The following MALRD1 variants were observed in gnomAD, a reference collection of about 807,000 sequenced individuals.
The protein encoded by MALRD1 is MAM and LDL-receptor class A domain-containing protein 1.
A neutral mutation model predicts 242.1 loss-of-function variants in MALRD1; 247 were observed. The observed-to-expected ratio is 1.02, with a 90% CI of 0.92 to 1.13. The LOEUF is 1.13. Among genes scored for constraint, MALRD1 ranks in the 50% most tolerant of loss-of-function variants. MALRD1 has a pLI of 0.00. For synonymous variants in MALRD1, 995 were observed against 866.6 expected (o/e 1.15, Z -2.60); for missense variants, 2,989 against 2,533.1 (o/e 1.18, Z -3.86).
At chr10:19,530,403 A>T (rs1589203883) in intron 31 of MALRD1, among the ~76,000 whole-genome samples, 2 of 12,574 alleles carry the variant, frequency 1.6e-4, no homozygotes, top group East Asian at 2.3e-3. Flanking sequence ...TATAAATATT[A>T]TATATTTATA....
intron 31 of MALRD1, among the ~76,000 whole-genome samples, chr10:19,520,221 A>G (rs1454325187): frequency 6.6e-6 from 1 of 152,158 alleles, no homozygotes; most frequent in East Asian, 1.9e-4. Flanking sequence ...CTGTATTTGT[A>G]ACCACTGTCC....
chr10:19,727,849 A>G (rs1835106393), intron 38 of MALRD1, among the ~76,000 whole-genome samples: 1 of 152,118 alleles, frequency 6.6e-6, no homozygotes. Context: ...TAATGAAACA[A>G]ACATTTTATT....
chr10:19,616,176 T>C (rs1422655195), intron 36 of MALRD1, among the ~76,000 whole-genome samples: 1 of 152,038 alleles, frequency 6.6e-6, no homozygotes, highest in African/African-American at 2.4e-5. Context: ...ATTTTAATAA[T>C]ACTCACTATT....
chr10:19,355,505 C>G (rs1408607692), intron 26 of MALRD1, among the ~76,000 whole-genome samples: 1 of 142,660 alleles, frequency 7.0e-6, no homozygotes, highest in African/African-American at 2.7e-5. Flanking sequence ...AGAAAGACTC[C>G]AAGAAAAACA....
rs935061688 is a variant in MALRD1, at chr10:19,643,387, A to G, written c.6137+27464A>G. On this transcript the variant is annotated intron_variant, in intron 36 of 39. Transcript: ENST00000454679. ...CTTGAACCTGGGAGGCGGAGGTTTCAGTGAGCCGAGACTGTGCCAACGCAC... is the reference window on the plus strand; with the variant it reads ...CTTGAACCTGGGAGGCGGAGGTTTCGGTGAGCCGAGACTGTGCCAACGCAC... 2.0e-5 allele frequency among the ~76,000 whole-genome samples: 3 copies of G among 152,310 alleles called. No homozygotes were observed. In the East Asian group the frequency reaches 5.8e-4, roughly 29 times the overall value.
chr10:19,219,835 T>C (rs1291990550), intron 18 of MALRD1, among the ~76,000 whole-genome samples: 4 of 152,256 alleles, frequency 2.6e-5, no homozygotes, highest in Non-Finnish European at 2.9e-5. Flanking sequence ...GGATCCTACA[T>C]GCTAATATTA....
chr10:19,145,653 TAAAA>T (rs71507276), intron 10 of MALRD1, among the ~76,000 whole-genome samples: 2 of 134,566 alleles, frequency 1.5e-5, no homozygotes, highest in Non-Finnish European at 3.2e-5. Flanking sequence ...GACTCTGCCT[TAAAA>T]AAAAAAAAAA....
At chr10:19,233,504 AAAAC>A (rs776395929) in intron 18 of MALRD1, among the ~76,000 whole-genome samples, 6 of 152,200 alleles carry the variant, frequency 3.9e-5, no homozygotes, top group Non-Finnish European at 5.9e-5. Flanking sequence ...CTCCATGTCA[AAAAC>A]AAACAAACAA....
At chr10:19,295,107 C>T (rs1841633232) in intron 21 of MALRD1, among the ~76,000 whole-genome samples, 2 of 152,080 alleles carry the variant, frequency 1.3e-5, no homozygotes, top group South Asian at 4.1e-4. Context: ...CAATTTTAAT[C>T]AATCTTCGTT....
intron 32 of MALRD1, among the ~76,000 whole-genome samples, chr10:19,562,297 GTAGATAGATAGATAGATAGATAGA>G (rs78473002): frequency 1.4e-5 from 2 of 144,650 alleles, no homozygotes; most frequent in African/African-American, 2.6e-5. Context: ...GCTGTCTTAG[GTAGATAGATAGATAGATAGATAGA>G]TAGATAGATA....
intron 29 of MALRD1, among the ~76,000 whole-genome samples, chr10:19,482,685 A>ACACACACAC (rs1391286438): frequency 6.6e-6 from 1 of 151,412 alleles, no homozygotes; most frequent in Non-Finnish European, 1.5e-5. Context: ...ACACACACAC[A>ACACACACAC]CACACATACA....
At chr10:19,716,946 A>C (rs562787373) in intron 38 of MALRD1, 5 of 152,218 alleles carry the variant, frequency 3.3e-5, no homozygotes, top group Non-Finnish European at 7.3e-5. Flanking sequence ...CTCATCAATC[A>C]AGTATTTAAA....
Position 19,286,881 on chromosome 10 carries a change from A to T in MALRD1, c.3419+3700A>T, listed in dbSNP as rs367995184. On this transcript the variant is annotated intron_variant, in intron 21 of 39. Transcript: ENST00000454679. Reference sequence around the variant, plus strand: ...AGACACAACCAAAAAAGAGAATTTTAGACCAATATCCTTGATGAACATTGA... The same window carrying T: ...AGACACAACCAAAAAAGAGAATTTTTGACCAATATCCTTGATGAACATTGA... Among the ~76,000 whole-genome samples the T allele has an allele frequency of 1.3e-3, 198 of 150,842 alleles. 1 individual carries two copies. Among genetic ancestry groups the T allele is most frequent in the African/African-American group, 4.8e-3 (195 of 41,012 alleles).
At chr10:19,719,383 G>A (rs1564567729) in intron 38 of MALRD1, among the ~76,000 whole-genome samples, 1 of 150,668 alleles carries the variant, frequency 6.6e-6, no homozygotes, top group Non-Finnish European at 1.5e-5. Flanking sequence ...TGGCAGCCTG[G>A]GTTTTCTTTA....
chr10:19,644,613 T>C (rs1840564873), intron 36 of MALRD1, among the ~76,000 whole-genome samples: 1 of 152,182 alleles, frequency 6.6e-6, no homozygotes. Flanking sequence ...CAAGATCTTA[T>C]CCTATGACAA....
At chr10:19,569,335 T>C (rs543410914) in intron 33 of MALRD1, among the ~76,000 whole-genome samples, 8 of 152,130 alleles carry the variant, frequency 5.3e-5, no homozygotes, top group Non-Finnish European at 7.4e-5. Flanking sequence ...CTCCCTGGCA[T>C]GTTCTTTACT....
At chr10:19,533,393 G>A (rs897536987) in intron 32 of MALRD1, among the ~76,000 whole-genome samples, 16 of 152,088 alleles carry the variant, frequency 1.1e-4, no homozygotes, top group Admixed American at 2.6e-4. Context: ...ATGGTGGCAG[G>A]AAATTGATAA....
chr10:19,714,283 A>C (rs1834275897), intron 38 of MALRD1, among the ~76,000 whole-genome samples: 2 of 152,070 alleles, frequency 1.3e-5, no homozygotes, highest in South Asian at 4.1e-4. Context: ...ATGGATTGGG[A>C]AAGTGGTTTT....
intron 1 of MALRD1, among the ~76,000 whole-genome samples, chr10:19,049,623 G>C (rs145601522): frequency 2.6e-4 from 40 of 152,250 alleles, no homozygotes; most frequent in African/African-American, 9.4e-4. Flanking sequence ...TCTGGCTTTT[G>C]TCCTTTGATT....
Sources: allele counts gnomAD v4.1 joint callset (sites outside exome capture counted in the v4.1 genomes callset), GRCh38; gene constraint gnomAD v4.1.1; transcripts MANE v1.5; gene names NCBI Gene and HGNC (gene_info 2026-07-23, HGNC 2026-07-21).